The following ERBB4 variants were observed in gnomAD, a reference collection of about 807,000 sequenced individuals.
ERBB4 encodes the protein erb-b2 receptor tyrosine kinase 4.
A neutral mutation model predicts 158.0 loss-of-function variants in ERBB4; 42 were observed. The observed-to-expected ratio is 0.27, with a 90% confidence interval of 0.21 to 0.34. The LOEUF is 0.34. ERBB4 is among the 10% of genes least tolerant of loss of function. The probability of loss-of-function intolerance (pLI) is 1.00; values close to 1 mark genes in which losing one functional copy is unlikely to be tolerated. For missense variants in ERBB4, 1,333 were observed against 1,624.1 expected, an observed-to-expected ratio of 0.82 and a Z score of 3.08; for synonymous variants, 583 against 558.7, an observed-to-expected ratio of 1.04 and a Z score of -0.61.
intron 2 of ERBB4, among the ~76,000 whole-genome samples, chr2:212,093,870 G>C (rs1559484523): frequency 1.3e-5 from 2 of 151,650 alleles, no homozygotes; most frequent in Non-Finnish European, 2.9e-5. Context: ...TGACACATCA[G>C]AAAAAAATAA....
chr2:211,975,843 A>T (rs918811750), intron 2 of ERBB4, among the ~76,000 whole-genome samples: 2 of 152,180 alleles, frequency 1.3e-5, no homozygotes, highest in Non-Finnish European at 2.9e-5. Context: ...TTGGGATTTT[A>T]AAATACATTA....
At chr2:211,444,559 A>G (rs2064064553) in intron 20 of ERBB4, among the ~76,000 whole-genome samples, 2 of 152,096 alleles carry the variant, frequency 1.3e-5, no homozygotes, top group South Asian at 2.1e-4. Flanking sequence ...GTGTATAGGT[A>G]TGCATATTCC....
At chr2:211,967,912 G>T (rs72935747) in intron 2 of ERBB4, among the ~76,000 whole-genome samples, 4,376 of 151,718 alleles carry the variant, frequency 0.029, 96 homozygotes, top group South Asian at 0.055. Flanking sequence ...TTTAGAATAC[G>T]ATTATGTCTT....
intron 1 of ERBB4, among the ~76,000 whole-genome samples, chr2:212,287,828 T>C (rs1216648378): frequency 1.3e-5 from 2 of 152,274 alleles, no homozygotes; most frequent in South Asian, 2.1e-4. Context: ...TAACATGTTT[T>C]CACTTATAAG....
At chr2:211,773,556 C>T (rs2075769151) in intron 4 of ERBB4, among the ~76,000 whole-genome samples, 1 of 135,618 alleles carries the variant, frequency 7.4e-6, no homozygotes, top group South Asian at 2.3e-4. Context: ...GGAATAAATA[C>T]TCTGTCACTT....
chr2:211,750,806 A>G, intron 4 of ERBB4, 102 bp from the exon 5 acceptor site: 1 of 998,936 alleles, frequency 1.0e-6, no homozygotes, highest in Admixed American at 1.9e-5. Context: ...CTTTATGAGG[A>G]TTTTTATGTC....
intron 3 of ERBB4, among the ~76,000 whole-genome samples, chr2:211,831,389 T>A (rs2077216894): frequency 6.6e-6 from 1 of 152,188 alleles, no homozygotes; most frequent in African/African-American, 2.4e-5. Context: ...TTTCAGGGTC[T>A]TGTTAAAAAC....
intron 3 of ERBB4, among the ~76,000 whole-genome samples, chr2:211,902,755 A>G (rs73073350): frequency 0.15 from 22,570 of 151,602 alleles, 2,092 homozygotes; most frequent in African/African-American, 0.26. Flanking sequence ...TACTTATCAG[A>G]CTATTTTGAA....
At chr2:212,290,204 G>C (rs764469547) in intron 1 of ERBB4, among the ~76,000 whole-genome samples, 2 of 152,086 alleles carry the variant, frequency 1.3e-5, no homozygotes, top group African/African-American at 4.8e-5. Flanking sequence ...AAAGAGTGGG[G>C]AATAAAACAA....
intron 3 of ERBB4, among the ~76,000 whole-genome samples, chr2:211,814,985 C>G (rs2076849338): frequency 6.6e-6 from 1 of 152,194 alleles, no homozygotes; most frequent in Non-Finnish European, 1.5e-5. Context: ...TTTCCAGGGA[C>G]AGGCTCAGTT....
At chr2:211,492,534 G>A (rs539636958) in intron 20 of ERBB4, among the ~76,000 whole-genome samples, 2 of 152,110 alleles carry the variant, frequency 1.3e-5, no homozygotes, top group East Asian at 3.9e-4. Flanking sequence ...ATTTAATGCC[G>A]ATGAAAAACC....
chr2:211,384,174 G>T, intron 27 of ERBB4, 114 bp from the exon 28 acceptor site: 1 of 747,246 alleles, frequency 1.3e-6, no homozygotes, highest in Non-Finnish European at 2.2e-6. Flanking sequence ...CCACAGATTT[G>T]TTTTCATGAT....
At chr2:211,875,025 C>CAAAAAAAAA (rs746636278) in intron 3 of ERBB4, among the ~76,000 whole-genome samples, 33 of 27,014 alleles carry the variant, frequency 1.2e-3, no homozygotes, top group East Asian at 3.8e-3. Context: ...AATAGAAATG[C>CAAAAAAAAA]AAAAAAAAAA....
intron 3 of ERBB4, among the ~76,000 whole-genome samples, chr2:211,881,204 T>A (rs1298877032): frequency 2.0e-5 from 3 of 151,956 alleles, no homozygotes; most frequent in African/African-American, 7.3e-5. Flanking sequence ...GAAGTAGAAG[T>A]GGAAGTGGTC....
At chr2:212,229,454 G>T (rs1478175409) in intron 1 of ERBB4, among the ~76,000 whole-genome samples, 1 of 152,164 alleles carries the variant, frequency 6.6e-6, no homozygotes, top group African/African-American at 2.4e-5. Flanking sequence ...TGTTCCATTT[G>T]AAACACTGCA....
At chr2:211,588,742 C>T (rs2068368184) in intron 19 of ERBB4, among the ~76,000 whole-genome samples, 2 of 152,122 alleles carry the variant, frequency 1.3e-5, no homozygotes, top group African/African-American at 2.4e-5. Context: ...TGATGTTAAT[C>T]ACTCCGCACT....
At chr2:211,769,791 C>T (rs753381203) in intron 4 of ERBB4, among the ~76,000 whole-genome samples, 13 of 152,144 alleles carry the variant, frequency 8.5e-5, no homozygotes, top group East Asian at 1.9e-4. Context: ...AGATGAAGGC[C>T]GGAAGACTCA....
intron 1 of ERBB4, among the ~76,000 whole-genome samples, chr2:212,173,809 A>C (rs918662041): frequency 1.8e-4 from 28 of 152,150 alleles, no homozygotes; most frequent in Admixed American, 1.7e-3. Context: ...CACATGGACA[A>C]GTCTGTTTGA....
At chr2:211,466,226 G>A (rs554948840) in intron 20 of ERBB4, among the ~76,000 whole-genome samples, 17 of 151,736 alleles carry the variant, frequency 1.1e-4, no homozygotes, top group African/African-American at 1.2e-4. Flanking sequence ...GTTGTTTAGC[G>A]TAATAGCCTT....
Sources: allele counts gnomAD v4.1 joint callset (sites outside exome capture counted in the v4.1 genomes callset), GRCh38; gene constraint gnomAD v4.1.1; transcripts MANE v1.5; gene names NCBI Gene and HGNC (gene_info 2026-07-23, HGNC 2026-07-21).